The following CLVS1 variants were observed in gnomAD, a reference collection of about 807,000 sequenced individuals.
CLVS1 encodes the protein clavesin 1.
A neutral mutation model predicts 33.1 loss-of-function variants in CLVS1; 10 were observed. The ratio of observed to expected loss-of-function variants is 0.30; its 90% CI spans 0.19 to 0.51. The LOEUF is 0.51. Among genes scored for constraint, CLVS1 ranks in the 20% least tolerant of loss-of-function variants. The pLI is 0.97. For missense variants in CLVS1, 343 were observed against 433.4 expected, an observed-to-expected ratio of 0.79 and a Z score of 1.85; for synonymous variants, 163 against 166.1, an observed-to-expected ratio of 0.98 and a Z score of 0.14.
At chr8:61,154,709 A>C (rs966812926) in intron 2 of CLVS1, among the ~76,000 whole-genome samples, 27 of 152,226 alleles carry the variant, frequency 1.8e-4, no homozygotes, top group African/African-American at 6.5e-4. Context: ...AGATAATAAT[A>C]ATAAAACTTT....
At chr8:61,422,519 T>G (rs1815719740) in intron 3 of CLVS1, among the ~76,000 whole-genome samples, 1 of 152,230 alleles carries the variant, frequency 6.6e-6, no homozygotes, top group Non-Finnish European at 1.5e-5. Flanking sequence ...TAATTAAGCT[T>G]TCCTCCTATT....
At chr8:61,272,726 C>T (rs1262770053) in intron 2 of CLVS1, among the ~76,000 whole-genome samples, 1 of 152,204 alleles carries the variant, frequency 6.6e-6, no homozygotes, top group African/African-American at 2.4e-5. Flanking sequence ...CTTCCCTTCT[C>T]ACTTCATTTC....
intron 2 of CLVS1, among the ~76,000 whole-genome samples, chr8:61,214,337 G>A (rs1037828516): frequency 7.2e-5 from 11 of 152,174 alleles, no homozygotes; most frequent in African/African-American, 1.7e-4. Context: ...TGGTTTTTGC[G>A]GCTTGTGGGG....
intron 1 of CLVS1, among the ~76,000 whole-genome samples, chr8:61,077,143 G>C (rs1053365930): frequency 1.8e-4 from 27 of 151,640 alleles, no homozygotes; most frequent in Admixed American, 1.5e-3. Context: ...GCGCGATCTC[G>C]GCTCACTGCA....
chr8:61,239,033 T>C (rs1404253219), intron 2 of CLVS1, among the ~76,000 whole-genome samples: 2 of 152,226 alleles, frequency 1.3e-5, no homozygotes, highest in Non-Finnish European at 2.9e-5. Context: ...ACAGTGTCCA[T>C]CTCTGCCACT....
At chr8:61,078,517 G>A (rs573469414) in intron 1 of CLVS1, among the ~76,000 whole-genome samples, 1 of 152,280 alleles carries the variant, frequency 6.6e-6, no homozygotes, top group East Asian at 1.9e-4. Flanking sequence ...TTGCTGTTGG[G>A]TTTTCTATGA....
At chr8:61,031,944 G>T in the CLVS1 span, among the ~76,000 whole-genome samples, 640 of 152,250 alleles carry the variant, frequency 4.2e-3, 4 homozygotes, top group Non-Finnish European at 7.4e-3. Context: ...TTCTGGATTG[G>T]ATAAAAGGAC....
chr8:61,345,149 T>A (rs1411149998), intron 2 of CLVS1, among the ~76,000 whole-genome samples: 1 of 152,170 alleles, frequency 6.6e-6, no homozygotes, highest in Non-Finnish European at 1.5e-5. Flanking sequence ...GCATTTCTAC[T>A]GAGGAGCATT....
intron 2 of CLVS1, among the ~76,000 whole-genome samples, chr8:61,212,709 G>A (rs16927008): frequency 0.022 from 3,424 of 152,288 alleles, 82 homozygotes; most frequent in South Asian, 0.087. Context: ...GCCACAGAGC[G>A]GGTGTGAATA....
At chr8:61,105,487 G>A (rs904240528) in intron 1 of CLVS1, among the ~76,000 whole-genome samples, 1 of 152,194 alleles carries the variant, frequency 6.6e-6, no homozygotes, top group Non-Finnish European at 1.5e-5. Flanking sequence ...GGTGAGGTAA[G>A]CATTAATGAT....
chr8:61,426,339 T>C lies in CLVS1; in HGVS notation c.631-27802T>C, dbSNP rs770959856. ...GTACCTTGTTACTTCTAGCTCACGA[T>C]TGTGTGCATCACTGCATATGGGCTT... On this transcript the variant is annotated intron_variant, in intron 3 of 5. Coordinates refer to ENST00000325897, the MANE Select transcript of CLVS1 (RefSeq NM_173519.3). Among the ~76,000 whole-genome samples, 3 of 152,234 alleles carry C rather than the reference T, an allele frequency of 2.0e-5. No homozygotes were observed. The East Asian group carries it at 5.8e-4, about 29-fold the overall frequency.
At chr8:61,357,123 C>A (rs971702351) in intron 2 of CLVS1, among the ~76,000 whole-genome samples, 1 of 152,076 alleles carries the variant, frequency 6.6e-6, no homozygotes, top group Non-Finnish European at 1.5e-5. Flanking sequence ...TTGAAGAGAT[C>A]CTTCACATCC....
At chr8:61,150,266 T>C (rs16926943) in intron 2 of CLVS1, among the ~76,000 whole-genome samples, 4,011 of 152,192 alleles carry the variant, frequency 0.026, 167 homozygotes, top group African/African-American at 0.091. Context: ...ATGCCTCACT[T>C]CTGGTCCAGC....
intron 1 of CLVS1, among the ~76,000 whole-genome samples, chr8:61,110,293 C>G (rs1205562302): frequency 1.3e-5 from 2 of 152,140 alleles, no homozygotes; most frequent in Admixed American, 1.3e-4. Flanking sequence ...CAGGCTGTAG[C>G]TAGACTCCAG....
chr8:61,075,306 G>A (rs1419617192), intron 1 of CLVS1, among the ~76,000 whole-genome samples: 1 of 152,128 alleles, frequency 6.6e-6, no homozygotes, highest in African/African-American at 2.4e-5. Context: ...AAGAGCAATG[G>A]GTTGATCCAA....
intron 2 of CLVS1, among the ~76,000 whole-genome samples, chr8:61,252,212 T>G (rs1392760482): frequency 2.0e-5 from 3 of 152,210 alleles, no homozygotes; most frequent in Admixed American, 6.5e-5. Flanking sequence ...TCAGTTTCCA[T>G]GTAGTTTTGT....
At chr8:61,011,270 A>G in the CLVS1 span, among the ~76,000 whole-genome samples, 3 of 152,180 alleles carry the variant, frequency 2.0e-5, no homozygotes, top group African/African-American at 7.2e-5. Context: ...TATCTCTTAA[A>G]AAGAAGTAAA....
intron 2 of CLVS1, among the ~76,000 whole-genome samples, chr8:61,359,592 G>A (rs1375810319): frequency 6.6e-6 from 1 of 152,122 alleles, no homozygotes; most frequent in Non-Finnish European, 1.5e-5. Flanking sequence ...CTGGCCTTGG[G>A]TGATCCACCT....
intron 1 of CLVS1, among the ~76,000 whole-genome samples, chr8:61,112,721 A>G (rs1243162391): frequency 2.6e-5 from 4 of 152,216 alleles, no homozygotes; most frequent in African/African-American, 9.7e-5. Flanking sequence ...CTGGAGAAGC[A>G]AAAGGACCTG....
Sources: allele counts gnomAD v4.1 joint callset (sites outside exome capture counted in the v4.1 genomes callset), GRCh38; gene constraint gnomAD v4.1.1; transcripts MANE v1.5; gene names NCBI Gene and HGNC (gene_info 2026-07-23, HGNC 2026-07-21).